Variants in PBRM1 observed in about 807,000 individuals in gnomAD.
The protein encoded by PBRM1 is protein polybromo-1.
Under a neutral mutation model 194.5 loss-of-function variants are expected in PBRM1, and 27 were observed. That is an observed-to-expected ratio of 0.14 (90% CI 0.10 to 0.19). The LOEUF (loss-of-function observed/expected upper bound fraction) is 0.19. Among genes scored for constraint, PBRM1 ranks in the 10% least tolerant of loss-of-function variants. The probability of loss-of-function intolerance (pLI) is 1.00; values close to 1 mark genes in which losing one functional copy is unlikely to be tolerated. For missense variants in PBRM1, 1,466 were observed against 2,077.2 expected (o/e 0.71, Z 5.72); for synonymous variants, 655 against 693.2 (o/e 0.94, Z 0.87).
intron 22 of PBRM1, among the ~76,000 whole-genome samples, chr3:52,569,541 G>T (rs1247248248): frequency 6.6e-6 from 1 of 152,200 alleles, no homozygotes; most frequent in East Asian, 1.9e-4. Flanking sequence ...AGTTCACATA[G>T]TATCAACTTC....
chr3:52,561,996 A>T, intron 24 of PBRM1, 28 bp from the exon 27 acceptor site: 1 of 1,566,452 alleles, frequency 6.4e-7, no homozygotes, highest in Non-Finnish European at 8.8e-7. Context: ...CTTATGGTGC[A>T]TCAAAACATT....
At chr3:52,622,555 T>A (rs913406818) in intron 13 of PBRM1, among the ~76,000 whole-genome samples, 1 of 152,276 alleles carries the variant, frequency 6.6e-6, no homozygotes, top group East Asian at 1.9e-4. Flanking sequence ...TGCACAAAGT[T>A]TATGCACTAG....
chr3:52,564,267 T>A, intron 22 of PBRM1, 34 bp from the exon 25 acceptor site: 3 of 1,461,718 alleles, frequency 2.1e-6, no homozygotes, highest in Non-Finnish European at 2.9e-6. Flanking sequence ...ATTAAAGGAG[T>A]AAACTGTGGT....
At chr3:52,656,791 C>T (rs773267125) in intron 5 of PBRM1, among the ~76,000 whole-genome samples, 3 of 150,676 alleles carry the variant, frequency 2.0e-5, no homozygotes, top group Non-Finnish European at 4.4e-5. Context: ...TAGTAAGGCA[C>T]GGTGGCACAA....
rs1302685108 is a variant in PBRM1 at position 52,558,545 on chromosome 3, G to A, written c.4289-132C>T. ...CAATGGAAGGAACAGTAGATGACTA[G>A]TCTCAACACAGGAGGAGTCGGGCCG... On this transcript the variant is annotated intron_variant, in intron 25 of 29. Transcript: ENST00000296302. The A allele has an allele frequency of 1.9e-5, 14 of 722,700 alleles. No homozygotes were observed. In the South Asian group the frequency reaches 3.5e-4, roughly 18 times the overall value. The allele number at this position is 722,700 out of a possible 1,614,324, so 44.8% of individuals were successfully genotyped here. A position where few individuals can be genotyped will look rare whatever the true frequency, so the allele number is the denominator to read the frequency against.
chr3:52,651,210 A>T (rs754707946), intron 6 of PBRM1, among the ~76,000 whole-genome samples: 14 of 152,238 alleles, frequency 9.2e-5, no homozygotes, highest in Non-Finnish European at 1.6e-4. Flanking sequence ...TTTAGTTGCC[A>T]CTATTTACTG....
At chr3:52,647,736 A>T (rs1035804037) in intron 7 of PBRM1, among the ~76,000 whole-genome samples, 2 of 151,964 alleles carry the variant, frequency 1.3e-5, no homozygotes, top group Non-Finnish European at 2.9e-5. Flanking sequence ...CAAAAAATCC[A>T]TATCACATAT....
In PBRM1 at chr3:52,643,155, A is replaced by G. The variant is rs1577382401; in HGVS notation, c.995+93T>C. On this transcript the variant is annotated intron_variant, in intron 9 of 29. Transcript: ENST00000296302. ...TCATTAACAACCAAACTATACCCAA[A>G]AATATTCCTTCAAGATAGCCATTGG... 4 of 919,132 alleles carry G rather than the reference A, an allele frequency of 4.4e-6. No individual in the cohort carries two copies. The East Asian group carries it at 9.6e-5, about 22-fold the overall frequency. 56.9% of individuals were successfully genotyped at this position (919,132 alleles called of 1,614,324 possible).
At chr3:52,682,999 A>G (rs1399162238), upstream of PBRM1, among the ~76,000 whole-genome samples, 1 of 152,150 alleles carries the variant, frequency 6.6e-6, no homozygotes, top group Admixed American at 6.5e-5. Flanking sequence ...CAGGAGATCA[A>G]GACCATCCTG....
At chr3:52,613,747 T>C (rs933087149) in intron 15 of PBRM1, among the ~76,000 whole-genome samples, 3 of 151,826 alleles carry the variant, frequency 2.0e-5, no homozygotes, top group Middle Eastern at 3.2e-3. Flanking sequence ...CCCAACACTT[T>C]AGAAGGCAGA....
chr3:52,685,696 C>A (rs2097302749), intron 1 of PBRM1, 53 bp downstream of exon 1: 1 of 150,472 alleles, frequency 6.6e-6, no homozygotes, highest in African/African-American at 2.4e-5. Context: ...CACACAAAGG[C>A]CCGGCAGCTG....
At chr3:52,663,503 T>G (rs898393661) in intron 3 of PBRM1, among the ~76,000 whole-genome samples, 2 of 152,204 alleles carry the variant, frequency 1.3e-5, no homozygotes, top group Non-Finnish European at 2.9e-5. Context: ...GACAGGCCAG[T>G]CATCCTGGAC....
intron 3 of PBRM1, among the ~76,000 whole-genome samples, chr3:52,662,528 T>C (rs920987312): frequency 1.3e-5 from 2 of 152,188 alleles, no homozygotes; most frequent in Non-Finnish European, 2.9e-5. Context: ...AATGATTTGC[T>C]AAATTAAAAG....
chr3:52,593,429 G>C (rs182426900), intron 17 of PBRM1, among the ~76,000 whole-genome samples: 2 of 152,134 alleles, frequency 1.3e-5, no homozygotes, highest in Non-Finnish European at 2.9e-5. Context: ...TAGAGAAGAG[G>C]TTTTGCCATG....
At chr3:52,546,670 A>C (rs1281420418), downstream of PBRM1, 3 of 232,352 alleles carry the variant, frequency 1.3e-5, no homozygotes, top group African/African-American at 6.6e-5. Flanking sequence ...AGTTACTATA[A>C]AGCAGGTTTC....
At chr3:52,651,248 G>C (rs1021347457) in intron 6 of PBRM1, among the ~76,000 whole-genome samples, 1 of 152,178 alleles carries the variant, frequency 6.6e-6, no homozygotes, top group Non-Finnish European at 1.5e-5. Context: ...GGGTAGGGTA[G>C]AGAGGGCCAA....
rs890066683 is a variant in PBRM1 at position 52,678,368 on chromosome 3, T to G, written c.236+132A>C. The stretch of plus-strand genomic sequence containing the variant: ...TCACTACAGCTTGATTACTAAAGAC[T>G]AAAGACTAAAATTGGACCCCAGTAT... On this transcript the variant is annotated intron_variant, in intron 2 of 29. Coordinates refer to ENST00000296302, the Ensembl canonical transcript of PBRM1. 5.0e-5 allele frequency: 30 copies of G among 598,076 alleles called. No homozygotes were observed. The African/African-American group carries it at 5.6e-4, about 11-fold the overall frequency. The allele number at this position is 598,076 out of a possible 1,614,324, so 37.0% of individuals were successfully genotyped here.
At chr3:52,567,907 C>G (rs1047633578) in intron 22 of PBRM1, among the ~76,000 whole-genome samples, 2 of 151,482 alleles carry the variant, frequency 1.3e-5, no homozygotes, top group African/African-American at 4.9e-5. Flanking sequence ...CCTCAGCCTC[C>G]CAAACTGCTG....
At chr3:52,589,310 G>A (rs967886199) in intron 17 of PBRM1, 55 bp from the exon 20 acceptor site, 6 of 1,154,676 alleles carry the variant, frequency 5.2e-6, no homozygotes, top group Admixed American at 2.6e-5. Flanking sequence ...AAGGGATGCT[G>A]AAGTCAGATG....
Sources: gnomAD v4.1 joint callset for allele counts (sites outside exome capture counted in the v4.1 genomes callset) on GRCh38, gnomAD v4.1.1 for gene constraint, MANE v1.5 for transcripts, NCBI Gene and HGNC (gene_info 2026-07-23, HGNC 2026-07-21) for gene names.